Variants in MCTP1 observed in about 807,000 individuals in gnomAD.
The protein encoded by MCTP1 is multiple C2 and transmembrane domain containing 1.
In MCTP1, 69 loss-of-function variants were observed where a neutral mutation model predicts 120.6. That is an observed-to-expected ratio of 0.57 (90% CI 0.47 to 0.70). The LOEUF is 0.70. Ranked by LOEUF, MCTP1 falls within the 30% of genes least tolerant of loss-of-function variation. MCTP1 has a pLI of 0.00. For synonymous variants in MCTP1, 529 were observed against 493.1 expected (o/e 1.07, Z -0.96); for missense variants, 1,203 against 1,248.8 (o/e 0.96, Z 0.55).
chr5:94,968,627 C>CA (rs112548676), intron 2 of MCTP1, among the ~76,000 whole-genome samples: 13 of 152,218 alleles, frequency 8.5e-5, no homozygotes, highest in African/African-American at 2.4e-4. Flanking sequence ...TCGAAAGACT[C>CA]AAAAAAATCA....
chr5:94,961,301 T>G (rs1294001954), intron 2 of MCTP1, among the ~76,000 whole-genome samples: 2 of 152,006 alleles, frequency 1.3e-5, no homozygotes, highest in Non-Finnish European at 2.9e-5. Context: ...AGGGATAGCA[T>G]TAGGAGAAAC....
chr5:94,841,253 A>G (rs928577751), intron 17 of MCTP1, among the ~76,000 whole-genome samples: 1 of 152,212 alleles, frequency 6.6e-6, no homozygotes, highest in African/African-American at 2.4e-5. Context: ...TGTTGCCAAG[A>G]AAGTACTTAT....
At chr5:95,205,092 T>A (rs1478777819) in intron 1 of MCTP1, among the ~76,000 whole-genome samples, 1 of 152,090 alleles carries the variant, frequency 6.6e-6, no homozygotes, top group Non-Finnish European at 1.5e-5. Flanking sequence ...AATAAAAACT[T>A]GCTACAATGC....
intron 3 of MCTP1, among the ~76,000 whole-genome samples, chr5:94,943,536 A>T (rs957774044): frequency 3.3e-5 from 5 of 152,092 alleles, no homozygotes; most frequent in African/African-American, 1.2e-4. Flanking sequence ...TCACTCATTC[A>T]TTCCCTCAGC....
intron 6 of MCTP1, among the ~76,000 whole-genome samples, chr5:94,927,945 TA>T (rs1443845348): frequency 6.6e-6 from 1 of 152,128 alleles, no homozygotes; most frequent in Admixed American, 6.5e-5. Flanking sequence ...GATGTATTAT[TA>T]AAAAAAGATA....
chr5:95,167,718 T>C (rs1746608279), intron 1 of MCTP1, among the ~76,000 whole-genome samples: 1 of 152,240 alleles, frequency 6.6e-6, no homozygotes, highest in African/African-American at 2.4e-5. Flanking sequence ...TTTTGAGAAG[T>C]GTCTGTTCAT....
chr5:95,093,268 A>G (rs1272546889), intron 1 of MCTP1, among the ~76,000 whole-genome samples: 1 of 152,202 alleles, frequency 6.6e-6, no homozygotes, highest in Non-Finnish European at 1.5e-5. Flanking sequence ...AGCTGAAAAA[A>G]GACAATTCCT....
chr5:94,942,450 C>A (rs159351), intron 3 of MCTP1, 23 bp from the exon 4 acceptor site: 4 of 1,555,466 alleles, frequency 2.6e-6, no homozygotes, highest in Non-Finnish European at 3.5e-6. Flanking sequence ...AGAGAAAAAG[C>A]CTTGTTATAA....
At chr5:94,748,823 G>A (rs1270675931) in intron 19 of MCTP1, among the ~76,000 whole-genome samples, 1 of 152,176 alleles carries the variant, frequency 6.6e-6, no homozygotes, top group Non-Finnish European at 1.5e-5. Flanking sequence ...TAGAAAAAGA[G>A]AAGCAAATTG....
At chr5:95,155,361 T>G (rs1022943607) in intron 1 of MCTP1, among the ~76,000 whole-genome samples, 2 of 152,184 alleles carry the variant, frequency 1.3e-5, no homozygotes, top group Non-Finnish European at 2.9e-5. Flanking sequence ...ATGAAGGATT[T>G]AGGCAAGATT....
intron 1 of MCTP1, among the ~76,000 whole-genome samples, chr5:95,154,454 A>G (rs371353429): frequency 6.6e-6 from 1 of 152,130 alleles, no homozygotes; most frequent in East Asian, 1.9e-4. Flanking sequence ...ATAGAATGAG[A>G]TGAACTATAA....
At chr5:94,940,873 C>T (rs898820708) in intron 4 of MCTP1, among the ~76,000 whole-genome samples, 3 of 151,408 alleles carry the variant, frequency 2.0e-5, no homozygotes, top group Non-Finnish European at 3.0e-5. Context: ...CAATTGTTAT[C>T]ACTTTTTCTA....
At position 95,256,057 on chromosome 5, in the gene MCTP1, T is replaced by C. The variant is rs532372467; in HGVS notation, c.720+27799A>G. Among the ~76,000 whole-genome samples the C allele has an allele frequency of 2.6e-5, 4 of 152,334 alleles. No homozygotes were observed. In the South Asian group the frequency reaches 8.3e-4, roughly 32 times the overall value. On this transcript the variant is annotated intron_variant, in intron 1 of 22. Coordinates refer to ENST00000515393, the MANE Select transcript of MCTP1 (RefSeq NM_024717.7). ...GTTGGTAAAAATCCACACCAAGTTC[T>C]GCCATGTGGAATTTAAACGGGGAGA...
chr5:94,823,065 T>C (rs904102475), intron 17 of MCTP1, among the ~76,000 whole-genome samples: 5 of 152,250 alleles, frequency 3.3e-5, no homozygotes, highest in African/African-American at 9.6e-5. Flanking sequence ...AGATTCCATT[T>C]GTCAATTTTG....
intron 19 of MCTP1, among the ~76,000 whole-genome samples, chr5:94,760,593 C>T (rs1255429599): frequency 2.6e-5 from 4 of 152,154 alleles, no homozygotes; most frequent in Non-Finnish European, 5.9e-5. Context: ...TTGATTTTAA[C>T]ACCCACATAT....
chr5:95,284,711 GA>G lies in MCTP1; in HGVS notation c.-137del. Reference sequence around the variant, plus strand: ...GGCGGCGGCGGCGGGCGCAGCAGCAGAAACCGGGAGTGCCCAGCGACTTCAG... The same window carrying G: ...GGCGGCGGCGGCGGGCGCAGCAGCAGAACCGGGAGTGCCCAGCGACTTCAG... On this transcript the variant is annotated 5_prime_UTR_variant, in exon 1 of 23. Coordinates refer to ENST00000515393, the MANE Select transcript of MCTP1 (RefSeq NM_024717.7). The surrounding 1 kb of genome is among the most constrained non-coding windows in gnomAD (Gnocchi z 5.2). The G allele has an allele frequency of 2.9e-6, 2 of 688,530 alleles. No homozygotes were observed. Among genetic ancestry groups the G allele is most frequent in the Non-Finnish European group, 4.4e-6 (2 of 454,916 alleles). 42.7% of individuals were successfully genotyped at this position (688,530 alleles called of 1,614,324 possible). A position where few individuals can be genotyped will look rare whatever the true frequency, so the allele number is the denominator to read the frequency against.
chr5:94,950,259 G>A (rs1283611264), intron 3 of MCTP1, among the ~76,000 whole-genome samples: 1 of 152,050 alleles, frequency 6.6e-6, no homozygotes, highest in South Asian at 2.1e-4. Flanking sequence ...AATGTAAAAA[G>A]TGACAATGTA....
Position 95,172,166 on chromosome 5 carries a change from G to A in MCTP1, c.720+111690C>T, listed in dbSNP as rs112096109. Among the ~76,000 whole-genome samples, 1,049 of 152,306 alleles carry A rather than the reference G, an allele frequency of 6.9e-3. 16 individuals carry two copies. The highest frequency in any genetic ancestry group is 0.02 in the African/African-American group (827 of 41,570). ...GCTGCAGGTCTGTTGGAGTTTGCTG[G>A]AGGTCCACTCCAGACCGTTTGCCTA... On this transcript the variant is annotated intron_variant, in intron 1 of 22. Transcript: ENST00000515393.
intron 1 of MCTP1, among the ~76,000 whole-genome samples, chr5:95,210,302 G>T (rs1271092217): frequency 6.6e-6 from 1 of 151,660 alleles, no homozygotes; most frequent in Non-Finnish European, 1.5e-5. Flanking sequence ...TTATTGTGTG[G>T]GAGTCTAAGT....
Sources: allele counts gnomAD v4.1 joint callset (sites outside exome capture counted in the v4.1 genomes callset), GRCh38; gene constraint gnomAD v4.1.1; non-coding constraint Gnocchi (gnomAD v3.1); transcripts MANE v1.5; gene names NCBI Gene and HGNC (gene_info 2026-07-23, HGNC 2026-07-21).